The following SIRT5 variants were observed in gnomAD, a reference collection of about 807,000 sequenced individuals.
The protein encoded by SIRT5 is sirtuin 5.
SIRT5 carries 26 observed loss-of-function variants against 40.0 expected under a neutral mutation model. The observed-to-expected ratio is 0.65, with a 90% confidence interval of 0.48 to 0.90. The LOEUF is 0.90. SIRT5 is among the 40% of genes least tolerant of loss of function. SIRT5 has a pLI of 0.00. For missense variants in SIRT5, 401 were observed against 402.4 expected, an observed-to-expected ratio of 1.00 and a Z score of 0.03; for synonymous variants, 146 against 149.1, an observed-to-expected ratio of 0.98 and a Z score of 0.15.
At chr6:13,611,157 G>C (rs1763786150) in intron 9 of SIRT5, among the ~76,000 whole-genome samples, 2 of 134,418 alleles carry the variant, frequency 1.5e-5, no homozygotes, top group African/African-American at 5.5e-5. Context: ...TTTTTCTCTT[G>C]TTCTCAGTAC....
At chr6:13,593,544 A>T (rs1050395602) in intron 5 of SIRT5, among the ~76,000 whole-genome samples, 2 of 152,222 alleles carry the variant, frequency 1.3e-5, no homozygotes, top group Non-Finnish European at 2.9e-5. Context: ...TCGGGATTAA[A>T]TAAGATCATA....
chr6:13,608,766 C>CA (rs1263757662), intron 9 of SIRT5, among the ~76,000 whole-genome samples: 1 of 150,994 alleles, frequency 6.6e-6, no homozygotes, highest in African/African-American at 2.4e-5. Flanking sequence ...ATTGTAAAAA[C>CA]AAAAAATACA....
intron 5 of SIRT5, among the ~76,000 whole-genome samples, chr6:13,593,617 TA>T (rs1256882414): frequency 6.6e-6 from 1 of 152,074 alleles, no homozygotes; most frequent in Admixed American, 6.6e-5. Context: ...TAACTTAGGT[TA>T]AAAAAAATCA....
Position 13,613,303 on chromosome 6 carries a change from C to T in SIRT5, c.*1438C>T, listed in dbSNP as rs544966042. On this transcript the variant is annotated 3_prime_UTR_variant, in exon 10 of 10. Coordinates refer to ENST00000606117, the MANE Select transcript of SIRT5 (RefSeq NM_012241.5). Reference sequence around the variant, plus strand: ...GGTACATCTTCCATACACTTTACTACCTTGGAGTAAAGTAGTAAGAATACA... The same window carrying T: ...GGTACATCTTCCATACACTTTACTATCTTGGAGTAAAGTAGTAAGAATACA... 16 of 152,312 alleles carry T rather than the reference C, an allele frequency of 1.1e-4. No homozygotes were observed. The highest frequency in any genetic ancestry group is 3.9e-4 in the African/African-American group (16 of 41,558). 9.4% of individuals were successfully genotyped at this position (152,312 alleles called of 1,614,324 possible). A position where few individuals can be genotyped will look rare whatever the true frequency, so the allele number is the denominator to read the frequency against.
intron 9 of SIRT5, among the ~76,000 whole-genome samples, chr6:13,606,578 T>C (rs537987127): frequency 6.6e-6 from 1 of 152,326 alleles, no homozygotes; most frequent in East Asian, 1.9e-4. Flanking sequence ...GGTCTGTTCA[T>C]TCAAAAAGCC....
intron 9 of SIRT5, among the ~76,000 whole-genome samples, chr6:13,608,906 C>T (rs1385587839): frequency 6.6e-6 from 1 of 151,486 alleles, no homozygotes; most frequent in African/African-American, 2.4e-5. Context: ...ACTGCAACCT[C>T]TGCCTCCCGG....
intron 2 of SIRT5, among the ~76,000 whole-genome samples, chr6:13,581,098 T>A (rs1447541247): frequency 2.0e-5 from 3 of 152,202 alleles, no homozygotes; most frequent in Non-Finnish European, 4.4e-5. Flanking sequence ...CTAACTAGAG[T>A]GCAATGATCT....
chr6:13,608,737 C>T (rs973261959), intron 9 of SIRT5, among the ~76,000 whole-genome samples: 3 of 151,982 alleles, frequency 2.0e-5, no homozygotes, highest in Non-Finnish European at 4.4e-5. Context: ...ATAGAATTAT[C>T]ACTAATCTGC....
Position 13,614,815 on chromosome 6 carries a change from C to T in SIRT5, c.*2950C>T, listed in dbSNP as rs1764206247. 6.5e-6 allele frequency: 1 copy of T among 152,856 alleles called. No individual in the cohort carries two copies. The highest frequency in any genetic ancestry group is 6.5e-5 in the Admixed American group (1 of 15,312). 9.5% of individuals were successfully genotyped at this position (152,856 alleles called of 1,614,324 possible). On this transcript the variant is annotated 3_prime_UTR_variant, in exon 10 of 10. Coordinates refer to ENST00000606117, the MANE Select transcript of SIRT5 (RefSeq NM_012241.5). ...CTTTAGAGTCCAGGTCTGTCGCCCG[C>T]GTCTTCGTCGGTGGCAGCAGGGCTG...
At chr6:13,608,124 T>G (rs1763362525) in intron 9 of SIRT5, among the ~76,000 whole-genome samples, 1 of 152,172 alleles carries the variant, frequency 6.6e-6, no homozygotes, top group African/African-American at 2.4e-5. Flanking sequence ...CAGTCCAATC[T>G]GAATGTTATA....
At chr6:13,595,602 T>C (rs1761469472) in intron 6 of SIRT5, 38 bp downstream of exon 6, 3 of 1,441,532 alleles carry the variant, frequency 2.1e-6, no homozygotes, top group Non-Finnish European at 2.9e-6. Flanking sequence ...ATAGGTTGTT[T>C]TCTCCTTTAG....
intron 2 of SIRT5, 30 bp downstream of exon 2, chr6:13,579,639 A>C (rs1161127107): frequency 6.6e-6 from 1 of 152,244 alleles, no homozygotes; most frequent in East Asian, 1.9e-4. Flanking sequence ...TGATAGCCTA[A>C]GTAACTTCAT....
intron 2 of SIRT5, among the ~76,000 whole-genome samples, chr6:13,583,332 T>C (rs935998536): frequency 2.9e-4 from 44 of 149,602 alleles, no homozygotes; most frequent in African/African-American, 4.7e-4. Context: ...TTTCCTCTTG[T>C]TGCCCACGCT....
intron 3 of SIRT5, chr6:13,585,242 T>C (rs1759909703): frequency 6.6e-6 from 1 of 152,080 alleles, no homozygotes; most frequent in South Asian, 2.1e-4. Context: ...AAATTATTTA[T>C]TTATTTATTT....
At chr6:13,608,965 G>A (rs1763483476) in intron 9 of SIRT5, among the ~76,000 whole-genome samples, 1 of 152,038 alleles carries the variant, frequency 6.6e-6, no homozygotes, top group South Asian at 2.1e-4. Flanking sequence ...GGGATCACAG[G>A]TGCCTGCCAC....
intron 9 of SIRT5, among the ~76,000 whole-genome samples, chr6:13,604,104 A>G (rs912823005): frequency 6.6e-6 from 1 of 152,236 alleles, no homozygotes. Flanking sequence ...AAAATGCTCT[A>G]AAGTTGATTG....
chr6:13,610,528 C>T (rs538852475), intron 9 of SIRT5, among the ~76,000 whole-genome samples: 10 of 152,264 alleles, frequency 6.6e-5, no homozygotes, highest in Non-Finnish European at 1.3e-4. Context: ...ATTTCACACT[C>T]GGGGATGAGG....
At chr6:13,597,495 C>T (rs1323950060) in intron 7 of SIRT5, among the ~76,000 whole-genome samples, 1 of 140,278 alleles carries the variant, frequency 7.1e-6, no homozygotes, top group Non-Finnish European at 1.5e-5. Context: ...GGCATTAAAA[C>T]AGCACTTCTA....
chr6:13,589,714 AAGG>A (rs1156419258), intron 4 of SIRT5, among the ~76,000 whole-genome samples: 1 of 152,144 alleles, frequency 6.6e-6, no homozygotes, highest in Non-Finnish European at 1.5e-5. Context: ...AGTGGGGAGA[AAGG>A]AGAGCAGAGA....
Sources: gnomAD v4.1 joint callset for allele counts (sites outside exome capture counted in the v4.1 genomes callset) on GRCh38, gnomAD v4.1.1 for gene constraint, MANE v1.5 for transcripts, NCBI Gene and HGNC (gene_info 2026-07-23, HGNC 2026-07-21) for gene names.